Variants in WWOX observed in about 807,000 individuals in gnomAD.
The protein encoded by WWOX is WW domain containing oxidoreductase, also known as WW domain-containing oxidoreductase.
A neutral mutation model predicts 46.2 loss-of-function variants in WWOX; 69 were observed. The ratio of observed to expected loss-of-function variants is 1.49; its 90% CI spans 1.23 to 1.82. The LOEUF (loss-of-function observed/expected upper bound fraction) is 1.82. WWOX is among the 40% of genes most tolerant of loss of function. WWOX has a pLI of 0.00. For missense variants in WWOX, 919 were observed against 542.6 expected, an observed-to-expected ratio of 1.69 and a Z score of -6.89; for synonymous variants, 359 against 202.6, an observed-to-expected ratio of 1.77 and a Z score of -6.56.
At position 78,115,194 on chromosome 16, in the gene WWOX, T is replaced by A. The variant is rs2032718356; in HGVS notation, c.409+40T>A. On this transcript the variant is annotated intron_variant, in intron 4 of 8. Transcript: ENST00000566780. ...TAGTTATTTATCTTTGGGACTGCTA[T>A]AATGAGATCCACTTAGATCTAGCTA... The A allele has an allele frequency of 2.5e-6, 4 of 1,610,750 alleles. No homozygotes were observed. The African/African-American group carries it at 5.3e-5, about 22-fold the overall frequency.
At chr16:79,016,219 C>T (rs16949222) in intron 8 of WWOX, 24,916 of 152,128 alleles carry the variant, frequency 0.16, 2,352 homozygotes, top group East Asian at 0.46. Context: ...ATACCTTGTA[C>T]CCCAATGAGT....
chr16:78,333,895 G>T (rs1233674121), intron 5 of WWOX, among the ~76,000 whole-genome samples: 1 of 152,020 alleles, frequency 6.6e-6, no homozygotes, highest in Non-Finnish European at 1.5e-5. Context: ...CACAGTGAGA[G>T]CAGAAAAGGT....
At chr16:78,966,370 C>A (rs775012440) in intron 8 of WWOX, among the ~76,000 whole-genome samples, 1 of 152,182 alleles carries the variant, frequency 6.6e-6, no homozygotes, top group Non-Finnish European at 1.5e-5. Flanking sequence ...GGCATCTAAA[C>A]ATATTTGTAA....
intron 8 of WWOX, among the ~76,000 whole-genome samples, chr16:78,965,591 C>G (rs1289599185): frequency 6.6e-6 from 1 of 151,908 alleles, no homozygotes; most frequent in Non-Finnish European, 1.5e-5. Context: ...AAATGCCCGC[C>G]TTATTCAGAT....
At position 79,212,102 on chromosome 16, in the gene WWOX, T is replaced by TTC. The variant is rs1194707094; in HGVS notation, c.*310_*311dup. 2.6e-6 allele frequency: 4 copies of TTC among 1,535,790 alleles called. No homozygotes were observed. Among genetic ancestry groups the TTC allele is most frequent in the Non-Finnish European group, 3.5e-6 (4 of 1,146,822 alleles). On this transcript the variant is annotated 3_prime_UTR_variant, in exon 9 of 9. Transcript: ENST00000566780. ...TATCTCCCTGGAGAAGCACCAGCAA[T>TTC]TCTCTTTCTTTTACTGTTATAGAAT... is the stretch of plus-strand genomic sequence containing the variant.
intron 8 of WWOX, among the ~76,000 whole-genome samples, chr16:78,733,058 T>C (rs8044041): frequency 0.02 from 3,096 of 152,284 alleles, 96 homozygotes; most frequent in African/African-American, 0.071. Context: ...ATTTTAATAA[T>C]GTAAAACCAT....
chr16:79,171,508 C>G (rs1439925048), intron 8 of WWOX, among the ~76,000 whole-genome samples: 1 of 152,140 alleles, frequency 6.6e-6, no homozygotes, highest in Non-Finnish European at 1.5e-5. Flanking sequence ...TTTAAACATT[C>G]CTTTTTTGCT....
intron 5 of WWOX, among the ~76,000 whole-genome samples, chr16:78,261,407 A>AAAATAAATAAAT (rs140119556): frequency 0.024 from 3,492 of 146,124 alleles, 177 homozygotes; most frequent in African/African-American, 0.074. Flanking sequence ...CCTGTCTCTA[A>AAAATAAATAAAT]AAATAAATAA....
intron 8 of WWOX, among the ~76,000 whole-genome samples, chr16:78,611,574 G>A (rs1567435411): frequency 6.6e-6 from 1 of 152,124 alleles, no homozygotes; most frequent in Non-Finnish European, 1.5e-5. Flanking sequence ...GCAAGACCAA[G>A]AAGCTTAGTC....
intron 8 of WWOX, among the ~76,000 whole-genome samples, chr16:79,011,227 T>A (rs1257670718): frequency 6.6e-6 from 1 of 151,158 alleles, no homozygotes; most frequent in African/African-American, 2.4e-5. Context: ...ACCCTGAAAT[T>A]CCTTAGCAGG....
chr16:78,127,262 C>T (rs777478849), intron 4 of WWOX, among the ~76,000 whole-genome samples: 1 of 152,002 alleles, frequency 6.6e-6, no homozygotes, highest in African/African-American at 2.4e-5. Context: ...TCATTGCAGG[C>T]GTTTAATAAC....
At chr16:78,120,677 C>G (rs986605447) in intron 4 of WWOX, among the ~76,000 whole-genome samples, 1 of 151,802 alleles carries the variant, frequency 6.6e-6, no homozygotes, top group African/African-American at 2.4e-5. Flanking sequence ...CTTTTTAAAA[C>G]TTAGGGTCTT....
At chr16:78,478,572 G>A (rs999839095) in intron 8 of WWOX, among the ~76,000 whole-genome samples, 43 of 144,250 alleles carry the variant, frequency 3.0e-4, no homozygotes, top group Admixed American at 1.6e-3. Context: ...CCACCTTGCT[G>A]TTGCACCCCC....
At chr16:78,909,404 G>C (rs993432605) in intron 8 of WWOX, among the ~76,000 whole-genome samples, 2 of 152,130 alleles carry the variant, frequency 1.3e-5, no homozygotes, top group African/African-American at 4.8e-5. Context: ...AAACTTTATG[G>C]ACCATAAACC....
chr16:78,916,718 T>C (rs1015458296), intron 8 of WWOX, among the ~76,000 whole-genome samples: 5 of 152,242 alleles, frequency 3.3e-5, no homozygotes, highest in African/African-American at 1.2e-4. Flanking sequence ...AGTGATTCTT[T>C]CTAGGATAAA....
chr16:78,225,904 C>G (rs1215971420), intron 5 of WWOX, among the ~76,000 whole-genome samples: 1 of 152,110 alleles, frequency 6.6e-6, no homozygotes, highest in Non-Finnish European at 1.5e-5. Flanking sequence ...CCCTTCTATT[C>G]TACATCTAAA....
chr16:78,376,291 G>A (rs1433657167), intron 5 of WWOX, among the ~76,000 whole-genome samples: 2 of 152,182 alleles, frequency 1.3e-5, no homozygotes, highest in Non-Finnish European at 2.9e-5. Flanking sequence ...GTATGTGGGG[G>A]CGGTTTTTAA....
At chr16:78,264,016 G>GTTTTTTTTTTTTTTTTTTTT (rs1567466234) in intron 5 of WWOX, among the ~76,000 whole-genome samples, 1 of 100,962 alleles carries the variant, frequency 9.9e-6, no homozygotes, top group African/African-American at 3.9e-5. Context: ...TTTTTTTTTT[G>GTTTTTTTTTTTTTTTTTTTT]TTTTTTTGCT....
intron 8 of WWOX, among the ~76,000 whole-genome samples, chr16:78,760,770 A>G (rs529287316): frequency 6.6e-6 from 1 of 152,340 alleles, no homozygotes; most frequent in East Asian, 1.9e-4. Flanking sequence ...TACAGGCTGC[A>G]TTAGTCTGTT....
Sources: gnomAD v4.1 joint callset for allele counts (sites outside exome capture counted in the v4.1 genomes callset) on GRCh38, gnomAD v4.1.1 for gene constraint, MANE v1.5 for transcripts, NCBI Gene and HGNC (gene_info 2026-07-23, HGNC 2026-07-21) for gene names.